The following PLEKHA4 variants were observed in gnomAD, a reference collection of about 807,000 sequenced individuals.
PLEKHA4 encodes the protein pleckstrin homology domain containing A4.
Under a neutral mutation model 94.7 loss-of-function variants are expected in PLEKHA4, and 73 were observed. That is an observed-to-expected ratio of 0.77 (90% CI 0.64 to 0.94). PLEKHA4 has a LOEUF of 0.94. Ranked by LOEUF, PLEKHA4 falls within the 40% of genes least tolerant of loss-of-function variation. PLEKHA4 has a pLI of 0.00. For synonymous variants in PLEKHA4, 449 were observed against 437.1 expected (o/e 1.03, Z -0.34); for missense variants, 1,049 against 1,054.1 (o/e 1.00, Z 0.07).
chr19:48,860,874 AAAAGGAAAGG>A (rs780211179), intron 5 of PLEKHA4, among the ~76,000 whole-genome samples: 5 of 149,178 alleles, frequency 3.4e-5, no homozygotes, highest in East Asian at 1.9e-4. Context: ...AAGGAAAGGA[AAAAGGAAAGG>A]AAAGGAAAGG....
chr19:48,851,722 T>A (rs1420579447), intron 13 of PLEKHA4, among the ~76,000 whole-genome samples: 5 of 148,996 alleles, frequency 3.4e-5, no homozygotes, highest in South Asian at 2.2e-4. Flanking sequence ...TGGGAGGCCG[T>A]GGCAGGCAGA....
chr19:48,845,258 C>T, intron 16 of PLEKHA4, 112 bp downstream of exon 16: 1 of 978,938 alleles, frequency 1.0e-6, no homozygotes, highest in Non-Finnish European at 1.6e-6. Flanking sequence ...ACAAGCAGTG[C>T]TCTCTCTGCT....
chr19:48,852,423 T>C (rs2036235234), intron 12 of PLEKHA4, 97 bp from the exon 13 acceptor site: 1 of 959,696 alleles, frequency 1.0e-6, no homozygotes, highest in Admixed American at 2.1e-5. Flanking sequence ...GATAAGGGAG[T>C]TTGGTCCCTG....
At chr19:48,842,528 C>CA (rs1317330101) in intron 16 of PLEKHA4, among the ~76,000 whole-genome samples, 1 of 152,180 alleles carries the variant, frequency 6.6e-6, no homozygotes, top group Non-Finnish European at 1.5e-5. Context: ...TCTACACATC[C>CA]AATTGTTTTA....
In PLEKHA4 at chr19:48,854,050, A is replaced by G. The variant is rs2036307379; in HGVS notation, c.1133T>C (p.Leu378Pro). 8 of 1,614,142 alleles carry G rather than the reference A, an allele frequency of 5.0e-6. No homozygotes were observed. The highest frequency in any genetic ancestry group is 6.8e-6 in the Non-Finnish European group (8 of 1,180,032). ...LTKLCGQDRL[L>P]RRLQEEIDQK... Reference sequence around the variant, plus strand: ...GTCTATCTCCTCCTGCAGCCTCCGCAGAAGCCGGTCCTGCCCGCACAACTT... The same window carrying G: ...GTCTATCTCCTCCTGCAGCCTCCGCGGAAGCCGGTCCTGCCCGCACAACTT... The change falls in exon 11 of 20, where the codon CTG becomes CCG. Residue 378 changes from leucine (L) to proline (P), a missense_variant. Transcript: ENST00000263265.
At chr19:48,866,199 C>T (rs1478261666) in intron 2 of PLEKHA4, among the ~76,000 whole-genome samples, 1 of 151,942 alleles carries the variant, frequency 6.6e-6, no homozygotes, top group East Asian at 1.9e-4. Context: ...CCAGCCTCAG[C>T]CTCCCATGTA....
intron 4 of PLEKHA4, 35 bp downstream of exon 4, chr19:48,861,585 C>G (rs1210994526): frequency 1.2e-6 from 2 of 1,612,174 alleles, no homozygotes; most frequent in Non-Finnish European, 1.7e-6. Context: ...GGCGGGGGGG[C>G]CCTCCCACCC....
At chr19:48,856,943 A>AAGAAAG (rs1284699495) in intron 9 of PLEKHA4, among the ~76,000 whole-genome samples, 2 of 125,040 alleles carry the variant, frequency 1.6e-5, no homozygotes, top group East Asian at 4.0e-4. Context: ...AGAAAAGAAA[A>AAGAAAG]AGAAAGAGAA....
chr19:48,866,150 A>G (rs527717998), intron 2 of PLEKHA4, among the ~76,000 whole-genome samples: 1 of 151,966 alleles, frequency 6.6e-6, no homozygotes, highest in South Asian at 2.1e-4. Flanking sequence ...GCAGTAGCCT[A>G]AACACTGCAG....
Position 48,859,455 on chromosome 19 carries a change from T to C in PLEKHA4, c.692+14A>G. 6.2e-7 allele frequency: 1 copy of C among 1,612,778 alleles called. No homozygotes were observed. Among genetic ancestry groups the C allele is most frequent in the African/African-American group, 1.3e-5 (1 of 74,974 alleles). ...CTCTTAGGCCACGCCCACAACCATG[T>C]CCTCCCTACTCACTCGGGGCTCCTC... On this transcript the variant is annotated intron_variant, in intron 7 of 19. Transcript: ENST00000263265.
chr19:48,859,088 G>T lies in PLEKHA4; in HGVS notation c.744C>A (p.Pro248=). The T allele has an allele frequency of 6.7e-7, 1 of 1,483,750 alleles. No homozygotes were observed. Among genetic ancestry groups the T allele is most frequent in the South Asian group, 1.3e-5 (1 of 79,464 alleles). 91.9% of individuals were successfully genotyped at this position (1,483,750 alleles called of 1,614,324 possible). A position where few individuals can be genotyped will look rare whatever the true frequency, so the allele number is the denominator to read the frequency against. The change falls in exon 8 of 20, where the codon CCC becomes CCA. Residue 248 remains proline, a synonymous_variant. Transcript: ENST00000263265. ...GGGGTCGCCGCGCAGGGGCAGAACG[G>T]GGACGGGGGAGGCTCAGAGGCGAGG... ...RPPSPLSLPR[P]RSAPARRPPA...
chr19:48,862,746 C>G (rs2036692193), intron 3 of PLEKHA4, among the ~76,000 whole-genome samples: 1 of 152,092 alleles, frequency 6.6e-6, no homozygotes, highest in Non-Finnish European at 1.5e-5. Context: ...ATCTCCTGAC[C>G]TTGTGATCTG....
chr19:48,858,709 G>A (rs943623901), intron 8 of PLEKHA4, 151 bp downstream of exon 8: 10 of 834,620 alleles, frequency 1.2e-5, no homozygotes, highest in African/African-American at 7.3e-5. Context: ...ACACCTGATA[G>A]GTTCAAGCTC....
chr19:48,841,442 C>T (rs2035765197), intron 16 of PLEKHA4, 132 bp from the exon 17 acceptor site: 2 of 975,524 alleles, frequency 2.1e-6, no homozygotes, highest in Admixed American at 3.3e-5. Flanking sequence ...GCCTGGCCAA[C>T]TTGGCGAAAT....
intron 3 of PLEKHA4, among the ~76,000 whole-genome samples, chr19:48,863,890 G>C (rs1293565001): frequency 2.0e-5 from 3 of 152,134 alleles, no homozygotes; most frequent in Admixed American, 2.0e-4. Flanking sequence ...GCTTTGCAGA[G>C]AGTTTTGAGT....
In PLEKHA4 at chr19:48,837,604, G is replaced by C. The variant is rs546291763; in HGVS notation, c.2078-53C>G. ...TGGCAAACCTCAGCGCTAGGACCCC[G>C]GATTCCCAGCCCCTCCTCCCTCAGA... On this transcript the variant is annotated intron_variant, in intron 19 of 19. Transcript: ENST00000263265. This position sits in a 1 kb window ranked among gnomAD's most constrained non-coding sequence, Gnocchi z 4.3. 9.8e-5 allele frequency: 157 copies of C among 1,595,430 alleles called. 1 individual carries two copies. In the South Asian group the frequency reaches 1.7e-3, roughly 17 times the overall value.
intron 6 of PLEKHA4, 195 bp downstream of exon 6, chr19:48,860,155 T>C (rs1415461855): frequency 1.7e-6 from 1 of 594,336 alleles, no homozygotes; most frequent in Non-Finnish European, 3.0e-6. Flanking sequence ...GACAAGGTGG[T>C]GGGCGGAACT....
At chr19:48,856,917 G>A (rs67486022) in intron 9 of PLEKHA4, among the ~76,000 whole-genome samples, 24,110 of 108,104 alleles carry the variant, frequency 0.22, 4,839 homozygotes, top group African/African-American at 0.51. Context: ...AAAAAAAAAA[G>A]AAAGAAAGAA....
In PLEKHA4 at chr19:48,867,188, G is replaced by A. The variant is rs1004889471; in HGVS notation, c.84+349C>T. Among the ~76,000 whole-genome samples the A allele has an allele frequency of 2.6e-5, 4 of 152,154 alleles. No individual in the cohort carries two copies. The highest frequency in any genetic ancestry group is 4.4e-5 in the Non-Finnish European group (3 of 68,030). ...CCTTATAGGATTTCATTAGTGGGTA[G>A]ATTGGATGGCGAGAGATAGGACAGC... is the stretch of plus-strand genomic sequence containing the variant. On this transcript the variant is annotated intron_variant, in intron 2 of 19. Transcript: ENST00000263265. The surrounding 1 kb of genome is among the most constrained non-coding windows in gnomAD (Gnocchi z 4.7).
Sources: allele counts gnomAD v4.1 joint callset (sites outside exome capture counted in the v4.1 genomes callset), GRCh38; gene constraint gnomAD v4.1.1; non-coding constraint Gnocchi (gnomAD v3.1); transcripts MANE v1.5; gene names NCBI Gene and HGNC (gene_info 2026-07-23, HGNC 2026-07-21).